GALNT13: variants seen among roughly 807,000 people sequenced by gnomAD.
GALNT13 encodes polypeptide N-acetylgalactosaminyltransferase 13.
GALNT13 carries 28 observed loss-of-function variants against 64.2 expected under a neutral mutation model. That is an observed-to-expected ratio of 0.44 (90% CI 0.32 to 0.60). The LOEUF (loss-of-function observed/expected upper bound fraction) is 0.60. Ranked by LOEUF, GALNT13 falls within the 20% of genes least tolerant of loss-of-function variation. The probability of loss-of-function intolerance (pLI) is 0.05; values close to 1 mark genes in which losing one functional copy is unlikely to be tolerated. For missense variants in GALNT13, 577 were observed against 669.8 expected (o/e 0.86, Z 1.53); for synonymous variants, 214 against 224.6 (o/e 0.95, Z 0.42).
At chr2:154,220,416 C>T (rs1042733616) in intron 4 of GALNT13, among the ~76,000 whole-genome samples, 1 of 151,972 alleles carries the variant, frequency 6.6e-6, no homozygotes, top group South Asian at 2.1e-4. Flanking sequence ...AAGAACTAAT[C>T]GCCTGCTTTT....
chr2:153,300,253 C>T, the GALNT13 span, among the ~76,000 whole-genome samples: 1 of 152,212 alleles, frequency 6.6e-6, no homozygotes, highest in African/African-American at 2.4e-5. Flanking sequence ...TTTCTTCTCT[C>T]TAGAATCCTG....
At chr2:153,477,878 G>A in the GALNT13 span, 9 of 296,000 alleles carry the variant, frequency 3.0e-5, no homozygotes, top group Non-Finnish European at 5.1e-5. Flanking sequence ...TCTCTCCCCT[G>A]CCCGCCCTCT....
At chr2:153,693,675 A>G in the GALNT13 span, among the ~76,000 whole-genome samples, 1 of 152,050 alleles carries the variant, frequency 6.6e-6, no homozygotes, top group South Asian at 2.1e-4. Flanking sequence ...GAGAGAGAGT[A>G]CGTGATGAGC....
At chr2:153,919,706 A>C (rs1301865690) in intron 2 of GALNT13, among the ~76,000 whole-genome samples, 2 of 151,802 alleles carry the variant, frequency 1.3e-5, no homozygotes, top group African/African-American at 2.4e-5. Context: ...AAGTTGTGTT[A>C]ACAAATTATT....
the GALNT13 span, among the ~76,000 whole-genome samples, chr2:153,768,586 C>A: frequency 6.6e-6 from 1 of 152,114 alleles, no homozygotes; most frequent in Non-Finnish European, 1.5e-5. Flanking sequence ...AAATCTGGGA[C>A]AGGCACAGTG....
intron 4 of GALNT13, among the ~76,000 whole-genome samples, chr2:154,148,007 T>C (rs1009018060): frequency 6.6e-6 from 1 of 152,016 alleles, no homozygotes; most frequent in Non-Finnish European, 1.5e-5. Flanking sequence ...CATGCTGGTG[T>C]GCTGCACCCA....
chr2:154,176,087 A>G (rs947431652), intron 4 of GALNT13, among the ~76,000 whole-genome samples: 1 of 152,088 alleles, frequency 6.6e-6, no homozygotes, highest in Non-Finnish European at 1.5e-5. Flanking sequence ...ACATTAGACT[A>G]TGCTACATAG....
the GALNT13 span, among the ~76,000 whole-genome samples, chr2:153,334,516 G>A: frequency 4.6e-5 from 7 of 152,030 alleles, no homozygotes; most frequent in Admixed American, 6.6e-5. Context: ...TTCTACTGCA[G>A]CATTCACCCT....
intron 3 of GALNT13, among the ~76,000 whole-genome samples, chr2:154,082,676 T>G (rs1349185562): frequency 6.6e-6 from 1 of 151,778 alleles, no homozygotes; most frequent in Admixed American, 6.6e-5. Context: ...GAAAGACATC[T>G]TCCTTCCATT....
chr2:154,029,589 A>T (rs1698210446), intron 3 of GALNT13, among the ~76,000 whole-genome samples: 1 of 152,170 alleles, frequency 6.6e-6, no homozygotes, highest in Non-Finnish European at 1.5e-5. Context: ...ATTCTCATTT[A>T]AAGACATAAA....
intron 7 of GALNT13, among the ~76,000 whole-genome samples, chr2:154,256,886 A>C (rs1690406201): frequency 6.6e-6 from 1 of 152,154 alleles, no homozygotes; most frequent in Admixed American, 6.6e-5. Flanking sequence ...ACCATAATCA[A>C]GATTTTTCAT....
In GALNT13 at chr2:154,263,935, A is replaced by G. The variant is rs553321675; in HGVS notation, c.975+4797A>G. On this transcript the variant is annotated intron_variant, in intron 8 of 12. Transcript: ENST00000392825. ...CTGAGAGATGGGAAACAAACAAGGA[A>G]AGCCTTACAATTGCCTCGGCTTACT... 2.0e-5 allele frequency among the ~76,000 whole-genome samples: 3 copies of G among 152,328 alleles called. No homozygotes were observed. In the South Asian group the frequency reaches 6.2e-4, roughly 32 times the overall value.
At chr2:153,431,067 T>C in the GALNT13 span, among the ~76,000 whole-genome samples, 1 of 151,648 alleles carries the variant, frequency 6.6e-6, no homozygotes, top group Admixed American at 6.6e-5. Flanking sequence ...GGAGAATCAC[T>C]TGAACCTGGG....
At chr2:154,208,624 CTGTGTGTGTGTGTGTGTGTGTGTGTG>C (rs57789546) in intron 4 of GALNT13, among the ~76,000 whole-genome samples, 1 of 140,364 alleles carries the variant, frequency 7.1e-6, no homozygotes, top group South Asian at 2.4e-4. Flanking sequence ...TTTTGCGTGT[CTGTGTGTGTGTGTGTGTGTGTGTGTG>C]TGTGTGTGTG....
intron 9 of GALNT13, among the ~76,000 whole-genome samples, chr2:154,330,637 C>T (rs145357918): frequency 1.9e-4 from 29 of 152,152 alleles, no homozygotes; most frequent in African/African-American, 6.5e-4. Context: ...TTTGGCCATT[C>T]AGCACTTGCT....
chr2:153,891,153 A>G (rs556640282), intron 1 of GALNT13, among the ~76,000 whole-genome samples: 1 of 152,020 alleles, frequency 6.6e-6, no homozygotes, highest in African/African-American at 2.4e-5. Context: ...CTACACAATT[A>G]AGTCCTTACT....
the GALNT13 span, among the ~76,000 whole-genome samples, chr2:153,111,326 A>AT: frequency 6.6e-6 from 1 of 152,084 alleles, no homozygotes; most frequent in Non-Finnish European, 1.5e-5. Flanking sequence ...TGTTGTTTTC[A>AT]TTTTAAAAAA....
chr2:153,068,790 T>C, the GALNT13 span, among the ~76,000 whole-genome samples: 5 of 152,192 alleles, frequency 3.3e-5, no homozygotes, highest in African/African-American at 9.7e-5. Flanking sequence ...GAAGCTTCTT[T>C]TTGATCTAAC....
At chr2:153,451,822 G>C in the GALNT13 span, among the ~76,000 whole-genome samples, 2 of 152,220 alleles carry the variant, frequency 1.3e-5, no homozygotes, top group Admixed American at 6.5e-5. Flanking sequence ...CCAGGCGGCA[G>C]GTAGGTGCAG....
Sources: allele counts gnomAD v4.1 joint callset (sites outside exome capture counted in the v4.1 genomes callset), GRCh38; gene constraint gnomAD v4.1.1; transcripts MANE v1.5; gene names NCBI Gene and HGNC (gene_info 2026-07-23, HGNC 2026-07-21).